Variants in SORCS1 observed in about 807,000 individuals in gnomAD.
SORCS1 encodes the protein sortilin related VPS10 domain containing receptor 1.
Under a neutral mutation model 146.1 loss-of-function variants are expected in SORCS1, and 60 were observed. The ratio of observed to expected loss-of-function variants is 0.41; its 90% CI spans 0.33 to 0.51. The LOEUF is 0.51. Among genes scored for constraint, SORCS1 ranks in the 20% least tolerant of loss-of-function variants. The pLI is 0.21. For synonymous variants in SORCS1, 637 were observed against 584.0 expected, an observed-to-expected ratio of 1.09 and a Z score of -1.31; for missense variants, 1,352 against 1,487.6, an observed-to-expected ratio of 0.91 and a Z score of 1.50.
chr10:106,684,604 T>C (rs374136631), intron 10 of SORCS1, among the ~76,000 whole-genome samples: 1 of 152,246 alleles, frequency 6.6e-6, no homozygotes, highest in African/African-American at 2.4e-5. Flanking sequence ...GTCCTAAAAA[T>C]ATAGCCCAAA....
chr10:106,885,705 A>C (rs2094692569), intron 2 of SORCS1, among the ~76,000 whole-genome samples: 1 of 152,116 alleles, frequency 6.6e-6, no homozygotes, highest in South Asian at 2.1e-4. Flanking sequence ...TCCCCCCCCA[A>C]ATCTCATCTT....
At chr10:106,636,598 CTG>C (rs1310008422) in intron 18 of SORCS1, among the ~76,000 whole-genome samples, 1 of 152,118 alleles carries the variant, frequency 6.6e-6, no homozygotes, top group African/African-American at 2.4e-5. Flanking sequence ...CATCAGATCT[CTG>C]AGAACTCACT....
intron 2 of SORCS1, among the ~76,000 whole-genome samples, chr10:106,938,322 T>A (rs982896300): frequency 6.6e-6 from 1 of 152,210 alleles, no homozygotes; most frequent in African/African-American, 2.4e-5. Flanking sequence ...ATCTTTGCCC[T>A]ACTACAACGA....
intron 24 of SORCS1, among the ~76,000 whole-genome samples, chr10:106,592,605 G>T (rs1386336373): frequency 6.6e-6 from 1 of 152,146 alleles, no homozygotes. Flanking sequence ...ATGTTGTAAT[G>T]GTCCCTGGGA....
At chr10:107,097,617 G>A (rs10884414) in intron 1 of SORCS1, among the ~76,000 whole-genome samples, 41,880 of 151,914 alleles carry the variant, frequency 0.28, 6,152 homozygotes, top group Middle Eastern at 0.44. Flanking sequence ...CCACACATTA[G>A]CAGAGGCCAT....
intron 17 of SORCS1, among the ~76,000 whole-genome samples, chr10:106,664,613 GCC>G: frequency 1.3e-5 from 2 of 152,138 alleles, no homozygotes; most frequent in Admixed American, 6.5e-5. Context: ...CTGCACTCCA[GCC>G]TGGGTAACAG....
intron 2 of SORCS1, among the ~76,000 whole-genome samples, chr10:106,882,940 A>G (rs1950860158): frequency 6.6e-6 from 1 of 152,210 alleles, no homozygotes; most frequent in Non-Finnish European, 1.5e-5. Flanking sequence ...TCATAGAATC[A>G]GGTTCCATTC....
chr10:107,131,552 C>A (rs891254282), intron 1 of SORCS1, among the ~76,000 whole-genome samples: 1 of 152,132 alleles, frequency 6.6e-6, no homozygotes, highest in African/African-American at 2.4e-5. Context: ...GCGAACCCCC[C>A]CATCTCTACC....
At chr10:106,723,589 C>T (rs1855934419) in intron 6 of SORCS1, among the ~76,000 whole-genome samples, 1 of 152,166 alleles carries the variant, frequency 6.6e-6, no homozygotes, top group African/African-American at 2.4e-5. Flanking sequence ...AGCTCACCTC[C>T]CAAGGCAGAA....
chr10:106,973,574 G>A (rs962633045), intron 1 of SORCS1, among the ~76,000 whole-genome samples: 9 of 152,150 alleles, frequency 5.9e-5, no homozygotes, highest in Non-Finnish European at 8.8e-5. Context: ...CTGGGGGCAG[G>A]AGAGACAAGC....
At chr10:107,127,467 A>G (rs1033463996) in intron 1 of SORCS1, among the ~76,000 whole-genome samples, 1 of 152,012 alleles carries the variant, frequency 6.6e-6, no homozygotes, top group African/African-American at 2.4e-5. Context: ...CATTTTCTTA[A>G]GTATTCTTGC....
chr10:106,707,974 T>C (rs1854656481), intron 7 of SORCS1, among the ~76,000 whole-genome samples: 2 of 152,158 alleles, frequency 1.3e-5, no homozygotes, highest in Non-Finnish European at 2.9e-5. Flanking sequence ...GATGACCTCT[T>C]AGGTCTAGTG....
intron 3 of SORCS1, among the ~76,000 whole-genome samples, chr10:106,805,501 A>T (rs555194112): frequency 2.0e-5 from 3 of 152,186 alleles, no homozygotes; most frequent in Non-Finnish European, 4.4e-5. Context: ...CATGACATTT[A>T]TAGGAGATCT....
the SORCS1 span, among the ~76,000 whole-genome samples, chr10:107,176,341 CT>C: frequency 2.5e-4 from 25 of 100,742 alleles, no homozygotes; most frequent in African/African-American, 5.0e-4. Flanking sequence ...TTCTTTTTTT[CT>C]TTTTTTTTTG....
chr10:107,070,475 C>T (rs969213510), intron 1 of SORCS1, among the ~76,000 whole-genome samples: 18 of 152,136 alleles, frequency 1.2e-4, no homozygotes, highest in African/African-American at 4.3e-4. Context: ...AATAACAGAA[C>T]AAAATTGCAG....
chr10:106,930,710 T>C (rs904899107), intron 2 of SORCS1, among the ~76,000 whole-genome samples: 1 of 152,186 alleles, frequency 6.6e-6, no homozygotes, highest in Non-Finnish European at 1.5e-5. Flanking sequence ...AAAGATATGA[T>C]GGTTCTTAGG....
intron 1 of SORCS1, among the ~76,000 whole-genome samples, chr10:107,047,062 C>G (rs1238160529): frequency 6.6e-6 from 1 of 152,218 alleles, no homozygotes. Flanking sequence ...AATCTCATCT[C>G]ACCGCAACCT....
intron 1 of SORCS1, among the ~76,000 whole-genome samples, chr10:107,140,392 T>A (rs1385851459): frequency 6.6e-6 from 1 of 152,254 alleles, no homozygotes; most frequent in Admixed American, 6.5e-5. Flanking sequence ...CAGCAATAAT[T>A]CCACAATATC....
intron 2 of SORCS1, among the ~76,000 whole-genome samples, chr10:106,923,110 C>T (rs10884375): frequency 0.52 from 79,529 of 151,918 alleles, 22,411 homozygotes; most frequent in Non-Finnish European, 0.63. Context: ...AGGATGGTCT[C>T]GATCTCTTGA....
Sources: gnomAD v4.1 joint callset for allele counts (sites outside exome capture counted in the v4.1 genomes callset) on GRCh38, gnomAD v4.1.1 for gene constraint, MANE v1.5 for transcripts, NCBI Gene and HGNC (gene_info 2026-07-23, HGNC 2026-07-21) for gene names.